PES1: variants seen among roughly 807,000 people sequenced by gnomAD.
The protein encoded by PES1 is pescadillo homolog.
Under a neutral mutation model 77.1 loss-of-function variants are expected in PES1, and 31 were observed. The ratio of observed to expected loss-of-function variants is 0.40; its 90% CI spans 0.30 to 0.54. The LOEUF (loss-of-function observed/expected upper bound fraction) is 0.54, where lower values mean the gene tolerates loss of function less well. Among genes scored for constraint, PES1 ranks in the 20% least tolerant of loss-of-function variants. The pLI is 0.45. For synonymous variants in PES1, 282 were observed against 303.0 expected (o/e 0.93, Z 0.72); for missense variants, 658 against 771.7 (o/e 0.85, Z 1.75).
chr22:30,602,072 C>T (rs1052153324), intron 2 of PES1, among the ~76,000 whole-genome samples: 4 of 151,846 alleles, frequency 2.6e-5, no homozygotes, highest in East Asian at 3.9e-4. Context: ...CACCTGGCCC[C>T]TTCTTTTCTT....
Position 30,589,278 on chromosome 22 carries a change from A to C in PES1, c.25-8T>G. 3 of 1,610,986 alleles carry C rather than the reference A, an allele frequency of 1.9e-6. No homozygotes were observed. Among genetic ancestry groups the C allele is most frequent in the Non-Finnish European group, 2.5e-6 (3 of 1,178,060 alleles). On this transcript the variant is annotated splice_polypyrimidine_tract_variant and splice_region_variant and intron_variant, in intron 1 of 14. Transcript: ENST00000354694. Reference sequence around the variant, plus strand: ...GGCCGAGCCTCGTTCATACTGGGAGAGGAAAAAAACAATTCTCCATTAGCA... The same window carrying C: ...GGCCGAGCCTCGTTCATACTGGGAGCGGAAAAAAACAATTCTCCATTAGCA...
At chr22:30,602,901 T>TGAAAGCCTAA (rs1449553789) in intron 2 of PES1, among the ~76,000 whole-genome samples, 6 of 137,942 alleles carry the variant, frequency 4.3e-5, no homozygotes, top group Admixed American at 1.5e-4. Context: ...TATCTTAACT[T>TGAAAGCCTAA]GAAAGCAATT....
chr22:30,604,319 C>T (rs2087403419), intron 2 of PES1, among the ~76,000 whole-genome samples: 1 of 152,128 alleles, frequency 6.6e-6, no homozygotes, highest in Non-Finnish European at 1.5e-5. Flanking sequence ...ATAGCTGTAG[C>T]ATGCATGGCC....
chr22:30,576,974 G>A lies in PES1; in HGVS notation c.*72C>T, dbSNP rs943145643. 1 of 1,232,842 alleles carries A rather than the reference G, an allele frequency of 8.1e-7. No individual in the cohort carries two copies. Among genetic ancestry groups the A allele is most frequent in the African/African-American group, 1.5e-5 (1 of 67,378 alleles). The allele number at this position is 1,232,842 out of a possible 1,614,324, so 76.4% of individuals were successfully genotyped here. The stretch of plus-strand genomic sequence containing the variant: ...AAGTGACTCTGGTCCATCACACTTA[G>A]GTCCTCTGGCCTGCCTCTGCCACAT... On this transcript the variant is annotated 3_prime_UTR_variant, in exon 15 of 15. Transcript: ENST00000354694.
intron 12 of PES1, chr22:30,579,522 T>A: frequency 1.3e-6 from 1 of 742,582 alleles, no homozygotes. Context: ...GCCTCCAATG[T>A]AAACTCTGAT....
At chr22:30,582,243 A>C (rs1387418201) in intron 6 of PES1, among the ~76,000 whole-genome samples, 1 of 152,198 alleles carries the variant, frequency 6.6e-6, no homozygotes, top group African/African-American at 2.4e-5. Flanking sequence ...CAGGCCGCCC[A>C]CTGAGTCCCA....
At chr22:30,603,073 G>A (rs1367990992) in intron 2 of PES1, among the ~76,000 whole-genome samples, 5 of 151,980 alleles carry the variant, frequency 3.3e-5, no homozygotes, top group African/African-American at 1.2e-4. Flanking sequence ...ACCAGGCGCA[G>A]CTAATTTTTG....
chr22:30,599,434 T>A (rs1170061288), intron 2 of PES1, among the ~76,000 whole-genome samples: 3 of 152,108 alleles, frequency 2.0e-5, no homozygotes, highest in African/African-American at 7.2e-5. Context: ...TATGACTAAT[T>A]TAATATAACT....
chr22:30,602,889 T>G (rs1295386523), intron 2 of PES1, among the ~76,000 whole-genome samples: 1 of 150,288 alleles, frequency 6.7e-6, no homozygotes, highest in African/African-American at 2.5e-5. Flanking sequence ...TGTCTTGCTA[T>G]TTATCTTAAC....
chr22:30,591,731 C>A (rs2087179566), intron 1 of PES1, 79 bp downstream of exon 1: 3 of 1,480,302 alleles, frequency 2.0e-6, no homozygotes, highest in Non-Finnish European at 2.7e-6. Flanking sequence ...CGAGACGGAG[C>A]CCGGGAAAAG....
At position 30,579,283 on chromosome 22, in the gene PES1, C is replaced by T. The variant is rs1208766600; in HGVS notation, c.1375G>A (p.Glu459Lys). The T allele has an allele frequency of 6.2e-7, 1 of 1,600,964 alleles. No individual in the cohort carries two copies. The highest frequency in any genetic ancestry group is 8.5e-7 in the Non-Finnish European group (1 of 1,179,886). Residue 459 changes from glutamate to lysine, a missense_variant, in exon 13 of 15, where the codon GAG becomes AAG. Coordinates refer to ENST00000354694, the MANE Select transcript of PES1 (RefSeq NM_014303.4). ...TTGTTGTCGTCCTCTTCCTCCTCCT[C>T]TTCTGACTCATTCAGGTTTCCTAGA... ...EDPGNLNESE[E>K]EEEEDDNNEG... is the part of the protein sequence containing the mutation.
At chr22:30,589,805 T>C (rs772851964) in intron 1 of PES1, among the ~76,000 whole-genome samples, 3 of 152,174 alleles carry the variant, frequency 2.0e-5, no homozygotes, top group Non-Finnish European at 4.4e-5. Context: ...TTCCTCATTA[T>C]AACCTCTTCA....
upstream of PES1, among the ~76,000 whole-genome samples, chr22:30,592,931 G>T (rs2087204783): frequency 1.3e-5 from 2 of 151,898 alleles, no homozygotes; most frequent in African/African-American, 4.8e-5. Flanking sequence ...CCTTGAGATG[G>T]TGCAGTCTGG....
At chr22:30,606,069 A>G (rs1464472912) in intron 1 of PES1, among the ~76,000 whole-genome samples, 1 of 152,168 alleles carries the variant, frequency 6.6e-6, no homozygotes, top group Non-Finnish European at 1.5e-5. Flanking sequence ...CACAGCCACC[A>G]CTAGTTAACT....
chr22:30,587,039 G>A (rs2087101688), intron 4 of PES1: 2 of 480,320 alleles, frequency 4.2e-6, no homozygotes, highest in East Asian at 3.9e-5. Flanking sequence ...CATGGCCTCT[G>A]CTTGGATTGT....
chr22:30,603,189 G>A (rs1275534566), intron 2 of PES1, among the ~76,000 whole-genome samples: 2 of 151,988 alleles, frequency 1.3e-5, no homozygotes, highest in African/African-American at 4.8e-5. Flanking sequence ...GGGATTTCAG[G>A]CATGAGCCAC....
At position 30,579,755 on chromosome 22, in the gene PES1, G is replaced by A. The variant is rs2086953059; in HGVS notation, c.1350C>T (p.Asp450=). The change falls in exon 12 of 15, where the codon GAC becomes GAT. Residue 450 remains aspartate, a synonymous_variant. Transcript: ENST00000354694. ...GCCCAGTCCCATCCCGCTCACCTGGGTCCTCTCCCCGCTGCAGAGCCAGCA... is the reference window on the plus strand; with the variant it reads ...GCCCAGTCCCATCCCGCTCACCTGGATCCTCTCCCCGCTGCAGAGCCAGCA... ...LKLLALQRGE[D]PGNLNESEEE... The A allele has an allele frequency of 3.1e-6, 5 of 1,613,584 alleles. No individual in the cohort carries two copies. Among genetic ancestry groups the A allele is most frequent in the Middle Eastern group, 3.3e-4 (2 of 6,038 alleles).
At chr22:30,581,898 G>C (rs1201360000) in intron 6 of PES1, among the ~76,000 whole-genome samples, 2 of 152,150 alleles carry the variant, frequency 1.3e-5, no homozygotes, top group Non-Finnish European at 2.9e-5. Flanking sequence ...CATCCTGGAA[G>C]TCAGTGCCAG....
At chr22:30,602,236 C>A (rs914767789) in intron 2 of PES1, among the ~76,000 whole-genome samples, 1 of 152,084 alleles carries the variant, frequency 6.6e-6, no homozygotes, top group African/African-American at 2.4e-5. Flanking sequence ...GGAGTTCTCA[C>A]AAGAGCTATG....
Sources: allele counts gnomAD v4.1 joint callset (sites outside exome capture counted in the v4.1 genomes callset), GRCh38; gene constraint gnomAD v4.1.1; transcripts MANE v1.5; gene names NCBI Gene and HGNC (gene_info 2026-07-23, HGNC 2026-07-21).